The following CDH11 variants were observed in gnomAD, a reference collection of about 807,000 sequenced individuals.
CDH11 encodes the protein cadherin 11.
CDH11 carries 11 observed loss-of-function variants against 67.8 expected under a neutral mutation model. That is an observed-to-expected ratio of 0.16 (90% CI 0.10 to 0.27). The LOEUF (loss-of-function observed/expected upper bound fraction) is 0.27. Among genes scored for constraint, CDH11 ranks in the 10% least tolerant of loss-of-function variants. The pLI, the probability that CDH11 is intolerant of heterozygous loss-of-function variation, is 1.00. For missense variants in CDH11, 847 were observed against 1,031.2 expected (o/e 0.82, Z 2.45); for synonymous variants, 419 against 400.0 (o/e 1.05, Z -0.57).
intron 8 of CDH11, among the ~76,000 whole-genome samples, chr16:64,976,156 T>A (rs776877150): frequency 3.8e-4 from 58 of 152,066 alleles, no homozygotes; most frequent in Non-Finnish European, 2.8e-4. Context: ...GGGAGAAAGA[T>A]CAGCCTAGGA....
At chr16:65,095,876 A>G (rs1468089254) in intron 1 of CDH11, among the ~76,000 whole-genome samples, 7 of 152,224 alleles carry the variant, frequency 4.6e-5, no homozygotes, top group Admixed American at 2.6e-4. Context: ...TGCCCTTATA[A>G]AAGTGAATCA....
chr16:65,119,985 G>T (rs1256442910), intron 1 of CDH11, among the ~76,000 whole-genome samples: 5 of 152,148 alleles, frequency 3.3e-5, no homozygotes, highest in Non-Finnish European at 7.4e-5. Context: ...TGGAATCAGA[G>T]ATTACATTTA....
chr16:64,965,771 A>AAC (rs55992835), intron 11 of CDH11, among the ~76,000 whole-genome samples: 3,252 of 145,928 alleles, frequency 0.022, 55 homozygotes, highest in Middle Eastern at 0.051. Context: ...CGGTGCATGA[A>AAC]ACACACACAC....
intron 2 of CDH11, among the ~76,000 whole-genome samples, chr16:65,032,324 C>CA (rs35617108): frequency 0.25 from 27,107 of 109,284 alleles, 3,458 homozygotes; most frequent in African/African-American, 0.39. Flanking sequence ...CTGTCTCTCC[C>CA]AAAAAAAAAA....
intron 2 of CDH11, among the ~76,000 whole-genome samples, chr16:65,051,888 A>T (rs1567549909): frequency 6.6e-6 from 1 of 152,212 alleles, no homozygotes. Flanking sequence ...ACTTTCATTT[A>T]TAAACTACCA....
intron 1 of CDH11, among the ~76,000 whole-genome samples, chr16:65,113,752 C>T (rs909955654): frequency 1.3e-5 from 2 of 152,110 alleles, no homozygotes; most frequent in Non-Finnish European, 2.9e-5. Flanking sequence ...GCATCTGATG[C>T]TTGGGTTACA....
chr16:64,948,656 G>C, intron 12 of CDH11: 1 of 1,611,642 alleles, frequency 6.2e-7, no homozygotes, highest in Non-Finnish European at 8.5e-7. Flanking sequence ...AGGAAAGGAA[G>C]TTTTATAAAG....
At chr16:65,066,488 T>C (rs1402739159) in intron 1 of CDH11, among the ~76,000 whole-genome samples, 1 of 152,206 alleles carries the variant, frequency 6.6e-6, no homozygotes, top group Non-Finnish European at 1.5e-5. Context: ...AGTTAAAAAG[T>C]AAACAGAAAA....
chr16:64,950,649 C>A, intron 12 of CDH11, 118 bp downstream of exon 12: 3 of 757,892 alleles, frequency 4.0e-6, no homozygotes, highest in Admixed American at 3.7e-5. Context: ...TTTTCTTGAA[C>A]TGTGTCGACA....
intron 2 of CDH11, among the ~76,000 whole-genome samples, chr16:65,053,244 A>T (rs1033577370): frequency 1.3e-5 from 2 of 152,170 alleles, no homozygotes; most frequent in Non-Finnish European, 2.9e-5. Flanking sequence ...ACTGTTAGAA[A>T]TCCTAGGTCC....
chr16:65,024,371 C>T lies in CDH11; in HGVS notation c.-172-19330G>A, dbSNP rs528078751. On this transcript the variant is annotated intron_variant, in intron 2 of 12. Transcript: ENST00000268603. ...TGCACATTAGAATTAACCGGGAAAC[C>T]TTAAAAATTCCATTACCCAGGCCTT... Among the ~76,000 whole-genome samples, 3 of 152,160 alleles carry T rather than the reference C, an allele frequency of 2.0e-5. No homozygotes were observed. In the East Asian group the frequency reaches 5.8e-4, roughly 30 times the overall value.
At chr16:65,023,587 T>C (rs1007215135) in intron 2 of CDH11, among the ~76,000 whole-genome samples, 1 of 152,210 alleles carries the variant, frequency 6.6e-6, no homozygotes, top group South Asian at 2.1e-4. Flanking sequence ...CATGGGCTAC[T>C]TGACTGAGTA....
chr16:65,032,457 T>A (rs1479074731), intron 2 of CDH11, among the ~76,000 whole-genome samples: 1 of 151,284 alleles, frequency 6.6e-6, no homozygotes, highest in Admixed American at 6.6e-5. Flanking sequence ...GCCACTACAC[T>A]CCAGCCTAGG....
At chr16:65,003,652 T>C (rs189300224) in intron 3 of CDH11, among the ~76,000 whole-genome samples, 6,633 of 152,224 alleles carry the variant, frequency 0.044, 487 homozygotes, top group African/African-American at 0.15. Context: ...CCAAACTCTC[T>C]TGAATTTGTA....
chr16:65,010,274 A>G (rs569211012), intron 2 of CDH11, among the ~76,000 whole-genome samples: 85 of 152,196 alleles, frequency 5.6e-4, no homozygotes, highest in Admixed American at 9.2e-4. Context: ...ATCCCTTTCA[A>G]CAAACACAGC....
At chr16:65,001,063 T>A (rs1209883330) in intron 3 of CDH11, among the ~76,000 whole-genome samples, 1 of 152,090 alleles carries the variant, frequency 6.6e-6, no homozygotes. Flanking sequence ...ACATAGATTT[T>A]AAAAAATTTT....
chr16:65,050,262 C>T (rs926604910), intron 2 of CDH11, among the ~76,000 whole-genome samples: 10 of 152,136 alleles, frequency 6.6e-5, no homozygotes, highest in Non-Finnish European at 1.2e-4. Context: ...GTGCTAGAAA[C>T]GGAAGCTCAA....
intron 1 of CDH11, among the ~76,000 whole-genome samples, chr16:65,065,630 T>G (rs533237646): frequency 2.0e-5 from 3 of 152,166 alleles, no homozygotes; most frequent in African/African-American, 7.2e-5. Context: ...GCAACAATCT[T>G]AAACATAGTG....
At chr16:64,952,645 T>C (rs1404425967) in intron 11 of CDH11, among the ~76,000 whole-genome samples, 3 of 147,520 alleles carry the variant, frequency 2.0e-5, no homozygotes, top group Non-Finnish European at 4.5e-5. Context: ...AAATTACACA[T>C]ACATGCATAC....
Sources: allele counts gnomAD v4.1 joint callset (sites outside exome capture counted in the v4.1 genomes callset), GRCh38; gene constraint gnomAD v4.1.1; transcripts MANE v1.5; gene names NCBI Gene and HGNC (gene_info 2026-07-23, HGNC 2026-07-21).